Variants in APBB2 observed in about 807,000 individuals in gnomAD.
The protein encoded by APBB2 is amyloid beta precursor protein binding family B member 2, also known as Fe65-like 1.
A neutral mutation model predicts 82.5 loss-of-function variants in APBB2; 38 were observed. The observed-to-expected ratio is 0.46, with a 90% CI of 0.36 to 0.60. APBB2 has a LOEUF of 0.60. APBB2 is among the 20% of genes least tolerant of loss of function. The probability of loss-of-function intolerance (pLI) is 0.00; values close to 1 mark genes in which losing one functional copy is unlikely to be tolerated. For synonymous variants in APBB2, 341 were observed against 368.2 expected (o/e 0.93, Z 0.85); for missense variants, 772 against 972.3 (o/e 0.79, Z 2.74).
At chr4:40,977,509 C>T (rs549712828) in intron 6 of APBB2, among the ~76,000 whole-genome samples, 4 of 152,224 alleles carry the variant, frequency 2.6e-5, no homozygotes, top group East Asian at 1.9e-4. Context: ...GACAGAGTTT[C>T]GCCATGTTGG....
intron 12 of APBB2, among the ~76,000 whole-genome samples, chr4:40,848,667 C>T (rs568927618): frequency 3.2e-4 from 48 of 152,242 alleles, no homozygotes; most frequent in Non-Finnish European, 6.5e-4. Context: ...GCTCAGTAGC[C>T]ACTTATTCCA....
chr4:41,012,195 G>A (rs568863117), intron 6 of APBB2, among the ~76,000 whole-genome samples: 9 of 152,142 alleles, frequency 5.9e-5, no homozygotes, highest in Non-Finnish European at 8.8e-5. Context: ...CAACAGAACC[G>A]GCTATACCAG....
chr4:40,869,719 GAAT>G (rs1764958756), intron 12 of APBB2, among the ~76,000 whole-genome samples: 1 of 152,068 alleles, frequency 6.6e-6, no homozygotes, highest in Non-Finnish European at 1.5e-5. Flanking sequence ...AAAATTCTAA[GAAT>G]AAAAGACTTT....
rs1304907115 is a variant in APBB2 at position 40,819,189 on chromosome 4, CTTTTTTTTTTTTTT to C, written c.2112+2668_2112+2681del. On this transcript the variant is annotated intron_variant, in intron 17 of 17. Coordinates refer to ENST00000508593, the MANE Select transcript of APBB2 (RefSeq NM_004307.2). ...CCCCTTGGCTCTCTTTTTTTTTTTTCTTTTTTTTTTTTTTGAGACAGGGTCTCACTCTTTCACAC... is the reference window on the plus strand; with the variant it reads ...CCCCTTGGCTCTCTTTTTTTTTTTTCGAGACAGGGTCTCACTCTTTCACAC... Among the ~76,000 whole-genome samples the C allele has an allele frequency of 7.6e-5, 5 of 65,488 alleles. No homozygotes were observed. In the South Asian group the frequency reaches 1.7e-3, roughly 22 times the overall value. The allele number at this position is 65,488 out of a possible 152,430, so 43.0% of individuals were successfully genotyped here.
At chr4:41,039,835 C>CAAA (rs11441799) in intron 4 of APBB2, among the ~76,000 whole-genome samples, 4,734 of 138,984 alleles carry the variant, frequency 0.034, 111 homozygotes, top group Middle Eastern at 0.069. Flanking sequence ...GACCTTGTCT[C>CAAA]AAAAAAAAAA....
chr4:41,198,281 T>C, intron 1 of APBB2, among the ~76,000 whole-genome samples: 1 of 152,212 alleles, frequency 6.6e-6, no homozygotes, highest in Non-Finnish European at 1.5e-5. Flanking sequence ...AAGCGCCTGA[T>C]GGATCTAGGA....
At chr4:40,955,634 T>C (rs1791413402) in intron 6 of APBB2, among the ~76,000 whole-genome samples, 1 of 152,208 alleles carries the variant, frequency 6.6e-6, no homozygotes, top group African/African-American at 2.4e-5. Context: ...TTTTTCAGGC[T>C]GGGCACAGTG....
chr4:41,184,240 C>T (rs1056091971), intron 1 of APBB2, among the ~76,000 whole-genome samples: 1 of 152,136 alleles, frequency 6.6e-6, no homozygotes, highest in Admixed American at 6.5e-5. Flanking sequence ...TGCTGTGTGG[C>T]CCAGTTGCTA....
At chr4:41,172,107 T>C (rs1768446088) in intron 1 of APBB2, among the ~76,000 whole-genome samples, 1 of 151,838 alleles carries the variant, frequency 6.6e-6, no homozygotes, top group African/African-American at 2.4e-5. Flanking sequence ...CTCGAAACAA[T>C]AAATAAATAA....
At chr4:41,157,768 A>C (rs1763857387) in intron 1 of APBB2, among the ~76,000 whole-genome samples, 1 of 152,186 alleles carries the variant, frequency 6.6e-6, no homozygotes, top group African/African-American at 2.4e-5. Flanking sequence ...ATGTGGGTGG[A>C]TCACTTGAGG....
chr4:40,973,418 G>T (rs1424609769), intron 6 of APBB2, among the ~76,000 whole-genome samples: 1 of 152,138 alleles, frequency 6.6e-6, no homozygotes, highest in Non-Finnish European at 1.5e-5. Flanking sequence ...AAAACCTGCC[G>T]CTGCCAACCC....
chr4:41,107,675 C>A (rs1380930683), intron 2 of APBB2, among the ~76,000 whole-genome samples: 1 of 152,178 alleles, frequency 6.6e-6, no homozygotes, highest in Non-Finnish European at 1.5e-5. Flanking sequence ...AATTCCAGGA[C>A]AATGGAACAG....
Position 41,170,853 on chromosome 4 carries a change from T to C in APBB2, c.-416-27711A>G, listed in dbSNP as rs569107175. Among the ~76,000 whole-genome samples, 4 of 152,314 alleles carry C rather than the reference T, an allele frequency of 2.6e-5. No individual in the cohort carries two copies. In the Middle Eastern group the frequency reaches 0.014, roughly 518 times the overall value. Reference sequence around the variant, plus strand: ...TCTTTGTACTGTTTTTGCTACTTTTTCAAAAGCCTGATATTATTTCAAAAT... The same window carrying C: ...TCTTTGTACTGTTTTTGCTACTTTTCCAAAAGCCTGATATTATTTCAAAAT... On this transcript the variant is annotated intron_variant, in intron 1 of 17. Transcript: ENST00000508593.
At chr4:41,040,143 C>G (rs1720793179) in intron 4 of APBB2, among the ~76,000 whole-genome samples, 1 of 151,924 alleles carries the variant, frequency 6.6e-6, no homozygotes, top group Admixed American at 6.6e-5. Flanking sequence ...TCATTGTAAC[C>G]TGCCAAGCAG....
At chr4:40,926,303 G>T (rs1283351206) in intron 10 of APBB2, among the ~76,000 whole-genome samples, 1 of 152,194 alleles carries the variant, frequency 6.6e-6, no homozygotes, top group Non-Finnish European at 1.5e-5. Flanking sequence ...CACAGGTACA[G>T]TAACGTGTGA....
At chr4:41,024,698 T>A (rs917319966) in intron 5 of APBB2, among the ~76,000 whole-genome samples, 3 of 152,216 alleles carry the variant, frequency 2.0e-5, no homozygotes, top group African/African-American at 2.4e-5. Context: ...AACTTATGAG[T>A]TTACAGATTC....
chr4:40,858,172 T>C (rs542678980), intron 12 of APBB2, among the ~76,000 whole-genome samples: 1 of 152,264 alleles, frequency 6.6e-6, no homozygotes, highest in Non-Finnish European at 1.5e-5. Context: ...GACAGCACTT[T>C]CAGCACTTTA....
intron 10 of APBB2, among the ~76,000 whole-genome samples, chr4:40,909,879 G>A (rs565190775): frequency 6.6e-6 from 1 of 152,316 alleles, no homozygotes; most frequent in South Asian, 2.1e-4. Context: ...TTTACAACAT[G>A]TAGCACAACA....
At chr4:41,046,538 A>G (rs531940764) in intron 4 of APBB2, among the ~76,000 whole-genome samples, 1 of 152,354 alleles carries the variant, frequency 6.6e-6, no homozygotes, top group Admixed American at 6.5e-5. Context: ...TCAAAGACCT[A>G]TTAGAGAAAA....
Sources: allele counts gnomAD v4.1 joint callset (sites outside exome capture counted in the v4.1 genomes callset), GRCh38; gene constraint gnomAD v4.1.1; transcripts MANE v1.5; gene names NCBI Gene and HGNC (gene_info 2026-07-23, HGNC 2026-07-21).